Variants in ZHX2 observed in about 807,000 individuals in gnomAD.
ZHX2 encodes zinc fingers and homeoboxes protein 2.
A neutral mutation model predicts 21.9 loss-of-function variants in ZHX2; 6 were observed. That is an observed-to-expected ratio of 0.27 (90% confidence interval 0.15 to 0.54). The LOEUF (loss-of-function observed/expected upper bound fraction) is 0.54. Ranked by LOEUF, ZHX2 falls within the 20% of genes least tolerant of loss-of-function variation. The pLI, the probability that ZHX2 is intolerant of heterozygous loss-of-function variation, is 0.95. For missense variants in ZHX2, 908 were observed against 1,090.7 expected, an observed-to-expected ratio of 0.83 and a Z score of 2.36; for synonymous variants, 434 against 437.1, an observed-to-expected ratio of 0.99 and a Z score of 0.09.
chr8:122,841,813 G>C (rs1344753749), intron 1 of ZHX2, among the ~76,000 whole-genome samples: 1 of 152,156 alleles, frequency 6.6e-6, no homozygotes, highest in African/African-American at 2.4e-5. Context: ...TGTGAGATCA[G>C]ATGTTATCCC....
At chr8:122,887,963 G>A (rs1032981880) in intron 2 of ZHX2, among the ~76,000 whole-genome samples, 25 of 152,180 alleles carry the variant, frequency 1.6e-4, no homozygotes, top group African/African-American at 2.4e-4. Context: ...CTGGCCAGTC[G>A]GAGAGCTGTA....
intron 2 of ZHX2, among the ~76,000 whole-genome samples, chr8:122,923,515 C>T (rs1395011901): frequency 6.6e-6 from 1 of 152,208 alleles, no homozygotes. Context: ...TCAAAGCAGT[C>T]ACAGGTCAGC....
chr8:122,798,678 G>A (rs1444186042), intron 1 of ZHX2, among the ~76,000 whole-genome samples: 6 of 152,058 alleles, frequency 3.9e-5, no homozygotes, highest in African/African-American at 1.4e-4. Flanking sequence ...AGCTACTCGG[G>A]AGGCTGTGGC....
chr8:122,869,761 A>T (rs1403183054), intron 2 of ZHX2, among the ~76,000 whole-genome samples: 2 of 152,170 alleles, frequency 1.3e-5, no homozygotes, highest in African/African-American at 4.8e-5. Flanking sequence ...CCTCAGTTAG[A>T]ATCTCAGCTC....
chr8:122,904,427 G>C (rs913479706), intron 2 of ZHX2, among the ~76,000 whole-genome samples: 1 of 152,100 alleles, frequency 6.6e-6, no homozygotes, highest in Non-Finnish European at 1.5e-5. Context: ...CAAGTGGGGA[G>C]TAGACTTTCA....
intron 2 of ZHX2, among the ~76,000 whole-genome samples, chr8:122,920,714 C>T (rs1820716587): frequency 1.3e-5 from 2 of 152,180 alleles, no homozygotes; most frequent in South Asian, 2.1e-4. Context: ...CGGCAGGCCA[C>T]GTGCCCTCCA....
intron 1 of ZHX2, among the ~76,000 whole-genome samples, chr8:122,861,597 G>A (rs1175253408): frequency 1.3e-5 from 2 of 152,134 alleles, no homozygotes; most frequent in African/African-American, 4.8e-5. Context: ...CTAATTTAGA[G>A]TATCGTAAAT....
chr8:122,958,892 A>T (rs1813372120), intron 3 of ZHX2, among the ~76,000 whole-genome samples: 1 of 151,132 alleles, frequency 6.6e-6, no homozygotes, highest in Non-Finnish European at 1.5e-5. Context: ...AATGTCCAAG[A>T]CACAGCCCCT....
At chr8:122,819,120 G>A (rs1586586444) in intron 1 of ZHX2, among the ~76,000 whole-genome samples, 2 of 152,214 alleles carry the variant, frequency 1.3e-5, no homozygotes, top group African/African-American at 4.8e-5. Context: ...CCAGATGGGA[G>A]GCCAGTGCAT....
At chr8:122,835,621 A>G (rs1586309051) in intron 1 of ZHX2, among the ~76,000 whole-genome samples, 2 of 152,062 alleles carry the variant, frequency 1.3e-5, no homozygotes, top group African/African-American at 4.8e-5. Context: ...AGGAAGAGGT[A>G]AGGGCTGGGA....
chr8:122,810,414 C>A (rs529007537), intron 1 of ZHX2: 3 of 152,188 alleles, frequency 2.0e-5, no homozygotes, highest in African/African-American at 7.2e-5. Flanking sequence ...TCAGAGATAA[C>A]GTGAAGCTGG....
intron 3 of ZHX2, among the ~76,000 whole-genome samples, chr8:122,968,958 A>G (rs746465872): frequency 6.6e-6 from 1 of 152,154 alleles, no homozygotes; most frequent in Non-Finnish European, 1.5e-5. Context: ...CAAGAGTTCG[A>G]GACCAGCCTG....
intron 2 of ZHX2, among the ~76,000 whole-genome samples, chr8:122,897,099 G>C (rs1193222967): frequency 2.6e-5 from 4 of 152,150 alleles, no homozygotes; most frequent in African/African-American, 9.7e-5. Flanking sequence ...TTGGTGTCTT[G>C]GGAGCCTGCT....
chr8:122,953,684 A>G lies in ZHX2; in HGVS notation c.2174A>G (p.Asp725Gly). The G allele has an allele frequency of 6.2e-7, 1 of 1,614,236 alleles. No homozygotes were observed. The highest frequency in any genetic ancestry group is 8.5e-7 in the Non-Finnish European group (1 of 1,180,034). The change falls in exon 3 of 4, where the codon GAT becomes GGT. Residue 725 changes from aspartate to glycine, a missense_variant. Coordinates refer to ENST00000314393, the MANE Select transcript of ZHX2 (RefSeq NM_014943.5). The surrounding 1 kb of genome is among the most constrained non-coding windows in gnomAD (Gnocchi z 4.6). ...GCCGAGAGCCCAAAGAACGGGGGTG[A>G]TGTGGTTCCACAATATTACAAGGAC... Reference protein sequence around the residue: ...PMAESPKNGGDVVPQYYKDPK... With the variant: ...PMAESPKNGGGVVPQYYKDPK...
intron 2 of ZHX2, among the ~76,000 whole-genome samples, chr8:122,914,574 T>C (rs1392064166): frequency 6.6e-6 from 1 of 152,172 alleles, no homozygotes; most frequent in Admixed American, 6.5e-5. Flanking sequence ...TTCAGGCCCA[T>C]CACTTGGCAT....
intron 2 of ZHX2, among the ~76,000 whole-genome samples, chr8:122,938,213 A>G (rs1422101794): frequency 6.6e-6 from 1 of 151,842 alleles, no homozygotes; most frequent in East Asian, 1.9e-4. Flanking sequence ...GATTACAGGC[A>G]TGAGCCACCA....
intron 1 of ZHX2, among the ~76,000 whole-genome samples, chr8:122,846,212 C>A (rs570511931): frequency 1.3e-5 from 2 of 152,262 alleles, no homozygotes; most frequent in South Asian, 4.1e-4. Context: ...CAGGAGGAAC[C>A]TGTTGGAGGT....
At chr8:122,965,535 C>T (rs549012161) in intron 3 of ZHX2, among the ~76,000 whole-genome samples, 7 of 152,152 alleles carry the variant, frequency 4.6e-5, no homozygotes, top group South Asian at 2.1e-4. Flanking sequence ...TTTCAATTTT[C>T]TTAAATTTAT....
chr8:122,917,950 A>T (rs955587569), intron 2 of ZHX2, among the ~76,000 whole-genome samples: 5 of 151,838 alleles, frequency 3.3e-5, no homozygotes, highest in Admixed American at 1.3e-4. Flanking sequence ...CCTCACCTCT[A>T]CTCTGAAGGC....
Sources: gnomAD v4.1 joint callset for allele counts (sites outside exome capture counted in the v4.1 genomes callset) on GRCh38, gnomAD v4.1.1 for gene constraint, Gnocchi (gnomAD v3.1) non-coding constraint, MANE v1.5 for transcripts, NCBI Gene and HGNC (gene_info 2026-07-23, HGNC 2026-07-21) for gene names.